Variants in FYB1 observed in about 807,000 individuals in gnomAD.
FYB1 encodes the protein FYN binding protein 1.
In FYB1, 41 loss-of-function variants were observed where a neutral mutation model predicts 94.1. The observed-to-expected ratio is 0.44, with a 90% CI of 0.34 to 0.57. The LOEUF is 0.57. Among genes scored for constraint, FYB1 ranks in the 20% least tolerant of loss-of-function variants. The pLI, the probability that FYB1 is intolerant of heterozygous loss-of-function variation, is 0.02. For missense variants in FYB1, 1,050 were observed against 976.8 expected (o/e 1.07, Z -1.00); for synonymous variants, 367 against 353.2 (o/e 1.04, Z -0.44).
intron 11 of FYB1, 119 bp downstream of exon 11, chr5:39,127,622 C>A: frequency 9.1e-7 from 1 of 1,096,440 alleles, no homozygotes; most frequent in South Asian, 1.8e-5. Context: ...ACATTCAAAT[C>A]ATTTGGGGTA....
chr5:39,132,357 G>A (rs6887349), intron 9 of FYB1, among the ~76,000 whole-genome samples: 3 of 152,040 alleles, frequency 2.0e-5, no homozygotes, highest in African/African-American at 2.4e-5. Flanking sequence ...ATCTCTGCCC[G>A]CAGCAGCTGC....
intron 13 of FYB1, among the ~76,000 whole-genome samples, chr5:39,123,937 C>T (rs910375062): frequency 2.0e-5 from 3 of 152,130 alleles, no homozygotes; most frequent in African/African-American, 7.2e-5. Flanking sequence ...GCAGAAGTCT[C>T]ATATATCAAG....
chr5:39,170,083 G>A, intron 2 of FYB1: 4 of 837,048 alleles, frequency 4.8e-6, no homozygotes, highest in Non-Finnish European at 8.3e-6. Flanking sequence ...CACATTTGCA[G>A]TGCCAGCTAA....
intron 1 of FYB1, among the ~76,000 whole-genome samples, chr5:39,265,743 G>A (rs1752412154): frequency 6.6e-6 from 1 of 152,194 alleles, no homozygotes; most frequent in Non-Finnish European, 1.5e-5. Flanking sequence ...GCATGCTAAA[G>A]TTTGAGAACC....
intron 1 of FYB1, among the ~76,000 whole-genome samples, chr5:39,259,332 CAGG>C (rs1752119622): frequency 1.3e-5 from 2 of 152,166 alleles, no homozygotes; most frequent in South Asian, 4.1e-4. Context: ...AGCACAGCAC[CAGG>C]AGCTAGGCCA....
chr5:39,137,499 A>G, intron 7 of FYB1, 101 bp downstream of exon 7: 2 of 1,326,032 alleles, frequency 1.5e-6, no homozygotes, highest in Admixed American at 2.9e-5. Flanking sequence ...ATAATGAATA[A>G]GTAATTCTTC....
At chr5:39,197,944 GAAGT>G (rs1276400262) in intron 2 of FYB1, among the ~76,000 whole-genome samples, 1 of 152,086 alleles carries the variant, frequency 6.6e-6, no homozygotes, top group Non-Finnish European at 1.5e-5. Flanking sequence ...ATTACAAACA[GAAGT>G]AAGTAAAATG....
At chr5:39,135,172 T>C (rs976491024) in intron 7 of FYB1, among the ~76,000 whole-genome samples, 158 bp from the exon 8 acceptor site, 2 of 152,140 alleles carry the variant, frequency 1.3e-5, no homozygotes, top group South Asian at 2.1e-4. Flanking sequence ...GTTTTTCTTA[T>C]AGGAGGGGTT....
At chr5:39,262,490 A>G (rs1160030946) in intron 1 of FYB1, among the ~76,000 whole-genome samples, 2 of 152,242 alleles carry the variant, frequency 1.3e-5, no homozygotes, top group Admixed American at 1.3e-4. Context: ...AATAAATATG[A>G]CAATGTCAAG....
chr5:39,189,956 T>C (rs1171068838), intron 2 of FYB1, among the ~76,000 whole-genome samples: 1 of 152,248 alleles, frequency 6.6e-6, no homozygotes, highest in Non-Finnish European at 1.5e-5. Flanking sequence ...AAGCTAGAAG[T>C]GACCTTGAGA....
At chr5:39,196,845 C>A (rs980164305) in intron 2 of FYB1, among the ~76,000 whole-genome samples, 1 of 152,192 alleles carries the variant, frequency 6.6e-6, no homozygotes, top group Non-Finnish European at 1.5e-5. Context: ...TCATGTTATG[C>A]CTTTGGGCAA....
intron 16 of FYB1, among the ~76,000 whole-genome samples, chr5:39,115,041 T>C (rs990355119): frequency 1.3e-5 from 2 of 152,016 alleles, no homozygotes; most frequent in African/African-American, 2.4e-5. Context: ...TTGTTTTTAA[T>C]AGAGAATCAT....
At chr5:39,273,163 C>G (rs184805462) in intron 1 of FYB1, among the ~76,000 whole-genome samples, 1 of 152,032 alleles carries the variant, frequency 6.6e-6, no homozygotes, top group Non-Finnish European at 1.5e-5. Context: ...TCATTGAGAA[C>G]GGGCCATGAT....
intron 7 of FYB1, among the ~76,000 whole-genome samples, chr5:39,136,784 A>C (rs1412605811): frequency 6.6e-6 from 1 of 152,218 alleles, no homozygotes; most frequent in East Asian, 1.9e-4. Flanking sequence ...GTTATATATA[A>C]ATCATTTTTA....
At chr5:39,233,003 T>C (rs1464726309) in intron 1 of FYB1, among the ~76,000 whole-genome samples, 3 of 152,082 alleles carry the variant, frequency 2.0e-5, no homozygotes, top group Non-Finnish European at 4.4e-5. Flanking sequence ...GTCTTTGCTA[T>C]TGTGAATAAT....
At chr5:39,132,347 A>G (rs950978479) in intron 9 of FYB1, among the ~76,000 whole-genome samples, 2 of 152,184 alleles carry the variant, frequency 1.3e-5, no homozygotes, top group Non-Finnish European at 2.9e-5. Flanking sequence ...CTGTTATGAG[A>G]TCTCTGCCCG....
At position 39,255,533 on chromosome 5, in the gene FYB1, A is replaced by T. The variant is rs754823656; in HGVS notation, c.-28+18870T>A. Among the ~76,000 whole-genome samples the T allele has an allele frequency of 3.3e-5, 5 of 151,552 alleles. No individual in the cohort carries two copies. In the East Asian group the frequency reaches 9.7e-4, roughly 29 times the overall value. ...TTCCTTCCACACACGCACACTCAAG[A>T]CTTGTCCATAACCTCCAAGCAGGAT... On this transcript the variant is annotated intron_variant, in intron 1 of 1. Coordinates refer to the FYB1 transcript ENST00000510188.
chr5:39,140,233 A>G (rs1333569840), intron 4 of FYB1, among the ~76,000 whole-genome samples: 1 of 152,212 alleles, frequency 6.6e-6, no homozygotes, highest in Non-Finnish European at 1.5e-5. Flanking sequence ...CAATGTTTGA[A>G]GTTGACATGA....
At chr5:39,179,317 T>C (rs1402488218) in intron 2 of FYB1, among the ~76,000 whole-genome samples, 4 of 152,024 alleles carry the variant, frequency 2.6e-5, no homozygotes, top group Non-Finnish European at 5.9e-5. Flanking sequence ...CCTCCAGACA[T>C]GGCAGTGGAA....
Sources: allele counts gnomAD v4.1 joint callset (sites outside exome capture counted in the v4.1 genomes callset), GRCh38; gene constraint gnomAD v4.1.1; transcripts MANE v1.5; gene names NCBI Gene and HGNC (gene_info 2026-07-23, HGNC 2026-07-21).